Variants in ZNF23 observed in about 807,000 individuals in gnomAD.
ZNF23 encodes kruppel-like zinc finger factor X31.
Under a neutral mutation model 56.2 loss-of-function variants are expected in ZNF23, and 48 were observed. That is an observed-to-expected ratio of 0.85 (90% CI 0.68 to 1.09). ZNF23 has a LOEUF of 1.09. ZNF23 is among the 50% of genes least tolerant of loss of function. The probability of loss-of-function intolerance (pLI) is 0.00; values close to 1 mark genes in which losing one functional copy is unlikely to be tolerated. For synonymous variants in ZNF23, 266 were observed against 283.3 expected (o/e 0.94, Z 0.61); for missense variants, 805 against 811.4 (o/e 0.99, Z 0.10).
rs2042906803 is a variant in ZNF23 at position 71,448,043 on chromosome 16, T to C, written c.*50A>G. ...TTTCAATGGATGAATCTGATGATAC[T>C]TGATCCATTTTGGCATTAACCTTAA... On this transcript the variant is annotated 3_prime_UTR_variant, in exon 5 of 5. Transcript: ENST00000647773. 2 of 1,442,320 alleles carry C rather than the reference T, an allele frequency of 1.4e-6. No homozygotes were observed. 89.3% of individuals were successfully genotyped at this position (1,442,320 alleles called of 1,614,324 possible).
chr16:71,456,585 G>T, intron 2 of ZNF23, 179 bp downstream of exon 2: 1 of 526,728 alleles, frequency 1.9e-6, no homozygotes, highest in Non-Finnish European at 2.4e-6. Flanking sequence ...TCACTCTCCC[G>T]CTTCCTCCAC....
At chr16:71,456,636 C>A in intron 2 of ZNF23, 128 bp downstream of exon 2, 4 of 951,762 alleles carry the variant, frequency 4.2e-6, no homozygotes, top group Non-Finnish European at 5.0e-6. Flanking sequence ...CTGCACAACA[C>A]CTCTTTCCCA....
chr16:71,454,805 C>T (rs914312788), intron 2 of ZNF23, among the ~76,000 whole-genome samples: 1 of 152,236 alleles, frequency 6.6e-6, no homozygotes, highest in Non-Finnish European at 1.5e-5. Context: ...GAAAGCTTCA[C>T]TGTTTCTCCA....
intron 4 of ZNF23, 49 bp downstream of exon 4, chr16:71,453,194 G>T: frequency 2.9e-6 from 4 of 1,390,034 alleles, no homozygotes; most frequent in Non-Finnish European, 4.0e-6. Context: ...CTGGCTTTAT[G>T]CCTAAAGTGC....
In ZNF23 at chr16:71,449,234, T is replaced by G. The variant is rs1360800134; in HGVS notation, c.920A>C (p.Asn307Thr). The change falls in exon 5 of 5, where the codon AAT becomes ACT. Residue 307 changes from asparagine to threonine, a missense_variant. By Grantham distance (65) the Asn-to-Thr change is moderately conservative. Coordinates refer to ENST00000647773, the MANE Select transcript of ZNF23 (RefSeq NM_001381984.1). The part of the protein sequence containing the change: ...CKMCGKAFSV[N>T]GSLSRHQRIH... ...TCTCTGATGCCTACTTAGGCTTCCA[T>G]TAACACTGAAGGCCTTCCCACACAT... The G allele has an allele frequency of 6.2e-7, 1 of 1,614,104 alleles. No individual in the cohort carries two copies. Among genetic ancestry groups the G allele is most frequent in the Admixed American group, 1.7e-5 (1 of 60,024 alleles).
At chr16:71,457,450 C>G (rs2043277927) in intron 1 of ZNF23, among the ~76,000 whole-genome samples, 2 of 152,258 alleles carry the variant, frequency 1.3e-5, no homozygotes, top group Admixed American at 6.5e-5. Context: ...GTAGTCCCAG[C>G]TACTCGGGTG....
intron 1 of ZNF23, among the ~76,000 whole-genome samples, chr16:71,458,701 C>G (rs1401789076): frequency 6.6e-6 from 1 of 152,196 alleles, no homozygotes; most frequent in African/African-American, 2.4e-5. Flanking sequence ...CTCCCCGCCT[C>G]CCCCATGTGA....
chr16:71,449,442 G>C lies in ZNF23; in HGVS notation c.712C>G (p.Pro238Ala), dbSNP rs76530144. 10 of 1,614,182 alleles carry C rather than the reference G, an allele frequency of 6.2e-6. No homozygotes were observed. Among genetic ancestry groups the C allele is most frequent in the Admixed American group, 1.7e-5 (1 of 60,026 alleles). ...QHQENNTEEK[P>A]YQCSECGKAF... ...TTGCCACACTCCGAACACTGATAAGGCTTTTCCTCAGTGTTGTTCTCTTGA... is the reference window on the plus strand; with the variant it reads ...TTGCCACACTCCGAACACTGATAAGCCTTTTCCTCAGTGTTGTTCTCTTGA... Residue 238 changes from proline (P) to alanine (A), a missense_variant, in exon 5 of 5, where the codon CCT becomes GCT. By Grantham distance (27) the Pro-to-Ala change is conservative. Coordinates refer to ENST00000647773, the MANE Select transcript of ZNF23 (RefSeq NM_001381984.1).
At chr16:71,455,486 A>G (rs1171201200) in intron 2 of ZNF23, among the ~76,000 whole-genome samples, 1 of 152,052 alleles carries the variant, frequency 6.6e-6, no homozygotes, top group African/African-American at 2.4e-5. Flanking sequence ...CCTCCTGAGT[A>G]GCTGGGACTA....
chr16:71,459,088 G>A (rs1597004391), intron 1 of ZNF23, among the ~76,000 whole-genome samples: 1 of 152,242 alleles, frequency 6.6e-6, no homozygotes, highest in African/African-American at 2.4e-5. Context: ...CAGTTCTACA[G>A]AGGTTAGTCA....
At chr16:71,458,174 G>A (rs959124723) in intron 1 of ZNF23, among the ~76,000 whole-genome samples, 12 of 152,214 alleles carry the variant, frequency 7.9e-5, no homozygotes, top group African/African-American at 2.2e-4. Context: ...ACACTTCTGC[G>A]TCAGCTCCTG....
rs1355137341 is a variant in ZNF23 at position 71,457,331 on chromosome 16, A to G, written c.-32-503T>C. Reference sequence around the variant, plus strand: ...TGTAATCCCAGCACTTTGGGAGGCCAGGGCGGGTGGATCACAAGGTCAGGA... The same window carrying G: ...TGTAATCCCAGCACTTTGGGAGGCCGGGGCGGGTGGATCACAAGGTCAGGA... On this transcript the variant is annotated intron_variant, in intron 1 of 4. Transcript: ENST00000647773. 7.2e-5 allele frequency among the ~76,000 whole-genome samples: 11 copies of G among 152,202 alleles called. No individual in the cohort carries two copies. In the East Asian group the frequency reaches 2.1e-3, roughly 29 times the overall value.
At chr16:71,451,443 TCCCCACAAATTCATATTCTGAAGTCCTAA>T (rs2043053595) in intron 4 of ZNF23, 1 of 152,182 alleles carries the variant, frequency 6.6e-6, no homozygotes, top group African/African-American at 2.4e-5. Flanking sequence ...ATGTTTGTCC[TCCCCACAAATTCATATTCTGAAGTCCTAA>T]CCCCTGATGT....
chr16:71,449,206 G>C lies in ZNF23; in HGVS notation c.948C>G (p.Ile316Met). 6.2e-7 allele frequency: 1 copy of C among 1,614,012 alleles called. No individual in the cohort carries two copies. Among genetic ancestry groups the C allele is most frequent in the South Asian group, 1.1e-5 (1 of 91,064 alleles). ...VNGSLSRHQR[I>M]HTGEKPYQCK... ...ACTGATAGGGCTTCTCTCCCGTATG[G>C]ATTCTCTGATGCCTACTTAGGCTTC... Residue 316 changes from isoleucine to methionine, a missense_variant, in exon 5 of 5, where the codon ATC becomes ATG. Coordinates refer to ENST00000647773, the MANE Select transcript of ZNF23 (RefSeq NM_001381984.1).
In ZNF23 at chr16:71,448,719, G is replaced by T. The variant is rs141661873; in HGVS notation, c.1435C>A (p.Arg479=). The T allele has an allele frequency of 1.2e-6, 2 of 1,613,722 alleles. No individual in the cohort carries two copies. The highest frequency in any genetic ancestry group is 2.7e-5 in the African/African-American group (2 of 74,796). Residue 479 remains arginine (R), a synonymous_variant, in exon 5 of 5, where the codon CGG becomes AGG. Transcript: ENST00000647773. ...CCAGTGTGAATTCTCAGATGCTGCC[G>T]AAATTGGGAGTTACATCTGAAGGCT... ...GKAFRCNSQF[R]QHLRIHTGEK... is the part of the protein sequence containing the mutation.
intron 2 of ZNF23, 96 bp downstream of exon 2, chr16:71,456,668 G>A: frequency 1.0e-6 from 1 of 982,204 alleles, no homozygotes; most frequent in Non-Finnish European, 1.2e-6. Flanking sequence ...CCAGCAGGTG[G>A]AAGCAGCTGT....
In ZNF23 at chr16:71,448,474, G is replaced by A. The variant is rs2042928370; in HGVS notation, c.1680C>T (p.Ala560=). 4 of 1,614,190 alleles carry A rather than the reference G, an allele frequency of 2.5e-6. No individual in the cohort carries two copies. The highest frequency in any genetic ancestry group is 2.2e-5 in the East Asian group (1 of 44,880). Residue 560 remains alanine (A), a synonymous_variant, in exon 5 of 5, where the codon GCC becomes GCT. Coordinates refer to ENST00000647773, the MANE Select transcript of ZNF23 (RefSeq NM_001381984.1). ...GTATCCTCTGATGCCTAGTTAGTTTGGCATTGATACTGAAGGCTTTCCCAC... is the reference window on the plus strand; with the variant it reads ...GTATCCTCTGATGCCTAGTTAGTTTAGCATTGATACTGAAGGCTTTCCCAC... ...KECGKAFSIN[A]KLTRHQRIHT...
chr16:71,448,083 T>C lies in ZNF23; in HGVS notation c.*10A>G. ...ATTAACCTTAAGAGTTTTCTATATC[T>C]TTCTCATTATTAGGATTTTCCTTCA... On this transcript the variant is annotated 3_prime_UTR_variant, in exon 5 of 5. Coordinates refer to ENST00000647773, the MANE Select transcript of ZNF23 (RefSeq NM_001381984.1). The C allele has an allele frequency of 6.4e-7, 1 of 1,565,902 alleles. No individual in the cohort carries two copies. The highest frequency in any genetic ancestry group is 8.6e-7 in the Non-Finnish European group (1 of 1,158,406).
Position 71,454,049 on chromosome 16 carries a change from G to T in ZNF23, c.153C>A (p.Ala51=), listed in dbSNP as rs11641967. ...DVMLENYGNV[A]SLGFPLLKPA... ...AGGGTAGAGAGGTCTTACCCAGGGAGGCCACATTCCCATAATTCTCCAGCA... is the reference window on the plus strand; with the variant it reads ...AGGGTAGAGAGGTCTTACCCAGGGATGCCACATTCCCATAATTCTCCAGCA... Residue 51 remains alanine (A), a synonymous_variant, in exon 3 of 5, where the codon GCC becomes GCA. Coordinates refer to ENST00000647773, the MANE Select transcript of ZNF23 (RefSeq NM_001381984.1). 244,063 of 1,613,826 alleles carry T rather than the reference G, an allele frequency of 0.15. 19,967 individuals carry two copies. The highest frequency in any genetic ancestry group is 0.17 in the Non-Finnish European group (196,374 of 1,179,826).
Sources: gnomAD v4.1 joint callset for allele counts (sites outside exome capture counted in the v4.1 genomes callset) on GRCh38, gnomAD v4.1.1 for gene constraint, MANE v1.5 for transcripts, NCBI Gene and HGNC (gene_info 2026-07-23, HGNC 2026-07-21) for gene names.